TRIM27: variants seen among roughly 807,000 people sequenced by gnomAD.
TRIM27 encodes the protein zinc finger protein RFP.
A neutral mutation model predicts 57.6 loss-of-function variants in TRIM27; 12 were observed. That is an observed-to-expected ratio of 0.21 (90% CI 0.13 to 0.34). TRIM27 has a LOEUF of 0.34. Among genes scored for constraint, TRIM27 ranks in the 10% least tolerant of loss-of-function variants. TRIM27 has a pLI of 1.00. For synonymous variants in TRIM27, 266 were observed against 259.0 expected (o/e 1.03, Z -0.26); for missense variants, 403 against 656.8 (o/e 0.61, Z 4.22).
chr6:28,907,047 T>C (rs780827931), intron 7 of TRIM27, 189 bp downstream of exon 7: 9 of 566,252 alleles, frequency 1.6e-5, no homozygotes, highest in Non-Finnish European at 2.5e-5. Flanking sequence ...CTCTGAGACA[T>C]TTCAGGAGGC....
chr6:28,919,916 T>G, intron 3 of TRIM27, 96 bp downstream of exon 3: 2 of 1,191,786 alleles, frequency 1.7e-6, no homozygotes, highest in Non-Finnish European at 2.3e-6. Context: ...CCTGCAGAGT[T>G]AAAAAGAAGA....
chr6:28,912,006 T>C (rs1773242714), intron 3 of TRIM27, among the ~76,000 whole-genome samples: 1 of 152,222 alleles, frequency 6.6e-6, no homozygotes. Flanking sequence ...CGTCCTATGA[T>C]TGGACCTCAA....
chr6:28,919,900 G>T, intron 3 of TRIM27, 112 bp downstream of exon 3: 1 of 978,712 alleles, frequency 1.0e-6, no homozygotes, highest in Non-Finnish European at 1.5e-6. Context: ...GCAAGCTCTT[G>T]CTATTCCTGC....
chr6:28,908,794 G>A lies in TRIM27; in HGVS notation c.919+14C>T, dbSNP rs765153706. 8 of 1,612,962 alleles carry A rather than the reference G, an allele frequency of 5.0e-6. No homozygotes were observed. Among genetic ancestry groups the A allele is most frequent in the Non-Finnish European group, 6.8e-6 (8 of 1,179,232 alleles). ...CAACTTTACATCAAAAGCCCAGTAGGTAGATAAATTTACCTTGGATTTTCT... is the reference window on the plus strand; with the variant it reads ...CAACTTTACATCAAAAGCCCAGTAGATAGATAAATTTACCTTGGATTTTCT... On this transcript the variant is annotated intron_variant, in intron 6 of 7. Coordinates refer to ENST00000377199, the MANE Select transcript of TRIM27 (RefSeq NM_006510.5).
In TRIM27 at chr6:28,923,358, T is replaced by C; in HGVS notation, c.275A>G (p.Glu92Gly). 2 of 1,611,896 alleles carry C rather than the reference T, an allele frequency of 1.2e-6. No homozygotes were observed. The highest frequency in any genetic ancestry group is 1.7e-6 in the Non-Finnish European group (2 of 1,179,674). ...RTERPSGPGG[E>G]MGVCEKHREP... ...GCGGTGCTTCTCGCACACGCCCATC[T>C]CGCCGCCGGGCCCCGACGGCCGCTC... Residue 92 changes from glutamate to glycine, a missense_variant, in exon 1 of 8, where the codon GAG becomes GGG. Glu to Gly is a moderately conservative substitution (Grantham distance 98). Coordinates refer to ENST00000377199, the MANE Select transcript of TRIM27 (RefSeq NM_006510.5).
Position 28,906,961 on chromosome 6 carries a change from T to C in TRIM27, c.946+275A>G, listed in dbSNP as rs773378712. On this transcript the variant is annotated intron_variant, in intron 7 of 7. Coordinates refer to ENST00000377199, the MANE Select transcript of TRIM27 (RefSeq NM_006510.5). ...GTGTACTAGTGTACCAGCTCTGTTC[T>C]ACTTTTGGGGAACTGCGGTTTCCAC... 449 of 449,512 alleles carry C rather than the reference T, an allele frequency of 1.0e-3. 1 individual carries two copies. Among genetic ancestry groups the C allele is most frequent in the Non-Finnish European group, 1.5e-3 (372 of 250,672 alleles). 27.8% of individuals were successfully genotyped at this position (449,512 alleles called of 1,614,324 possible).
intron 1 of TRIM27, among the ~76,000 whole-genome samples, chr6:28,922,660 T>A (rs967285749): frequency 6.6e-6 from 1 of 152,234 alleles, no homozygotes; most frequent in African/African-American, 2.4e-5. Context: ...AAGGGCTCTG[T>A]GAGTCACATG....
At chr6:28,907,072 C>T in intron 7 of TRIM27, 164 bp downstream of exon 7, 1 of 624,276 alleles carries the variant, frequency 1.6e-6, no homozygotes, top group East Asian at 2.7e-5. Context: ...ATACTGTTAA[C>T]ACATAGAAAC....
chr6:28,920,372 T>C, intron 2 of TRIM27, 130 bp from the exon 3 acceptor site: 2 of 702,112 alleles, frequency 2.8e-6, no homozygotes, highest in Non-Finnish European at 2.3e-6. Flanking sequence ...AACTCATTAT[T>C]TCCAGTCTTT....
chr6:28,921,554 A>G (rs536189730), intron 2 of TRIM27, among the ~76,000 whole-genome samples: 25 of 152,204 alleles, frequency 1.6e-4, no homozygotes, highest in Non-Finnish European at 3.1e-4. Context: ...ATCCACTATT[A>G]GCAATTGTCT....
At chr6:28,911,841 G>T in intron 3 of TRIM27, 123 bp from the exon 4 acceptor site, 1 of 903,128 alleles carries the variant, frequency 1.1e-6, no homozygotes, top group Non-Finnish European at 1.7e-6. Context: ...GGGAGAAAAG[G>T]ATCACTGGAA....
At chr6:28,914,843 G>C (rs917063887) in intron 3 of TRIM27, 2 of 151,598 alleles carry the variant, frequency 1.3e-5, no homozygotes, top group African/African-American at 4.8e-5. Flanking sequence ...TCTCCACATA[G>C]GTTTTTGTAT....
intron 3 of TRIM27, among the ~76,000 whole-genome samples, chr6:28,912,508 AG>A (rs1212492485): frequency 6.6e-6 from 1 of 151,878 alleles, no homozygotes; most frequent in East Asian, 1.9e-4. Flanking sequence ...AAAAAAAAAA[AG>A]TAGCATACTC....
Position 28,904,408 on chromosome 6 carries a change from G to C in TRIM27, c.1204C>G (p.Pro402Ala). The stretch of plus-strand genomic sequence containing the variant: ...GACACTGCCCAGAATCCATTCTGGG[G>C]GGCTGAGGTTACTCCACCTTTTCTG... The part of the protein sequence containing the change: ...VCRKGGVTSA[P>A]QNGFWAVSLW... The change falls in exon 8 of 8, where the codon CCC becomes GCC. Residue 402 changes from proline (P) to alanine (A), a missense_variant. Pro to Ala is a conservative substitution (Grantham distance 27, BLOSUM62 -1). Transcript: ENST00000377199. This position sits in a 1 kb window ranked among gnomAD's most constrained non-coding sequence, Gnocchi z 6.1. The C allele has an allele frequency of 6.2e-7, 1 of 1,613,042 alleles. No individual in the cohort carries two copies. The highest frequency in any genetic ancestry group is 8.5e-7 in the Non-Finnish European group (1 of 1,180,022).
intron 3 of TRIM27, among the ~76,000 whole-genome samples, chr6:28,917,029 C>G (rs1471366387): frequency 3.3e-5 from 5 of 152,036 alleles, no homozygotes; most frequent in Admixed American, 2.0e-4. Context: ...GTAGTCCCAG[C>G]TACTTGGGAG....
intron 3 of TRIM27, 104 bp from the exon 4 acceptor site, chr6:28,911,822 G>C: frequency 3.7e-6 from 4 of 1,084,902 alleles, no homozygotes; most frequent in Non-Finnish European, 5.5e-6. Flanking sequence ...GCTCTCATGG[G>C]AGAAATTAGG....
intron 3 of TRIM27, among the ~76,000 whole-genome samples, chr6:28,913,378 C>G (rs3130841): frequency 0.62 from 93,309 of 150,878 alleles, 31,020 homozygotes; most frequent in African/African-American, 0.87. Flanking sequence ...CAAACACTAG[C>G]TTTTATTTCT....
intron 6 of TRIM27, chr6:28,907,858 G>A (rs1486218848): frequency 6.4e-6 from 2 of 312,576 alleles, no homozygotes; most frequent in African/African-American, 2.1e-5. Flanking sequence ...TGTCTTGCTT[G>A]TAGAGGACAT....
At chr6:28,922,701 C>T (rs757848229) in intron 1 of TRIM27, among the ~76,000 whole-genome samples, 2 of 152,182 alleles carry the variant, frequency 1.3e-5, no homozygotes, top group African/African-American at 4.8e-5. Context: ...ACTGTGTTAT[C>T]TCCTGAGTCT....
Sources: gnomAD v4.1 joint callset for allele counts (sites outside exome capture counted in the v4.1 genomes callset) on GRCh38, gnomAD v4.1.1 for gene constraint, Gnocchi (gnomAD v3.1) non-coding constraint, MANE v1.5 for transcripts, NCBI Gene and HGNC (gene_info 2026-07-23, HGNC 2026-07-21) for gene names.